Variants in FGF14 observed in about 807,000 individuals in gnomAD.
FGF14 encodes fibroblast growth factor homologous factor 4.
FGF14 carries 5 observed loss-of-function variants against 25.5 expected under a neutral mutation model. That is an observed-to-expected ratio of 0.20 (90% CI 0.10 to 0.41). The LOEUF is 0.41. FGF14 is among the 10% of genes least tolerant of loss of function. The pLI is 1.00. For synonymous variants in FGF14, 138 were observed against 118.3 expected (o/e 1.17, Z -1.08); for missense variants, 222 against 320.1 (o/e 0.69, Z 2.34).
At chr13:101,807,011 C>T (rs1371598813) in intron 3 of FGF14, among the ~76,000 whole-genome samples, 4 of 151,878 alleles carry the variant, frequency 2.6e-5, no homozygotes, top group Non-Finnish European at 2.9e-5. Flanking sequence ...TAACATAGCA[C>T]ACTAAATTTA....
intron 3 of FGF14, among the ~76,000 whole-genome samples, chr13:101,812,632 TATATATATATATATATATA>T (rs1416842099): frequency 3.1e-4 from 4 of 12,854 alleles, no homozygotes; most frequent in African/African-American, 9.9e-4. Context: ...TATATATATA[TATATATATATATATATATA>T]TATTTTTTTT....
At chr13:102,074,396 C>A (rs998308956) in intron 1 of FGF14, among the ~76,000 whole-genome samples, 3 of 152,142 alleles carry the variant, frequency 2.0e-5, no homozygotes, top group Non-Finnish European at 2.9e-5. Flanking sequence ...CCCTACCTGG[C>A]GAGCATTCTT....
At chr13:102,144,154 T>C (rs2046757808) in intron 1 of FGF14, among the ~76,000 whole-genome samples, 1 of 152,128 alleles carries the variant, frequency 6.6e-6, no homozygotes, top group East Asian at 1.9e-4. Context: ...TAGCTGGAAA[T>C]ACAAGTGCAC....
At chr13:102,358,524 A>T (rs1157458999) in intron 1 of FGF14, among the ~76,000 whole-genome samples, 1 of 152,144 alleles carries the variant, frequency 6.6e-6, no homozygotes, top group East Asian at 1.9e-4. Context: ...GGCCCAGTTC[A>T]CTTTATGATT....
chr13:102,282,303 T>G (rs1448146394), intron 1 of FGF14, among the ~76,000 whole-genome samples: 1 of 152,212 alleles, frequency 6.6e-6, no homozygotes, highest in East Asian at 1.9e-4. Context: ...CAACCTCAGG[T>G]GATCCGCCCA....
At chr13:102,121,933 C>T (rs1457611014) in intron 1 of FGF14, among the ~76,000 whole-genome samples, 1 of 152,136 alleles carries the variant, frequency 6.6e-6, no homozygotes, top group Non-Finnish European at 1.5e-5. Flanking sequence ...CGGCTTTCTG[C>T]TGAAGAAACC....
chr13:102,096,425 T>C (rs568479828), intron 1 of FGF14, among the ~76,000 whole-genome samples: 40 of 122,176 alleles, frequency 3.3e-4, no homozygotes, highest in Admixed American at 1.8e-3. Context: ...ACTTTACTCT[T>C]TAATTAAAAA....
intron 3 of FGF14, among the ~76,000 whole-genome samples, chr13:101,821,101 A>C (rs1165414843): frequency 6.6e-6 from 1 of 150,398 alleles, no homozygotes; most frequent in African/African-American, 2.4e-5. Flanking sequence ...GGCGCCCGCT[A>C]CCACGCCGGG....
chr13:101,840,581 G>C (rs2140315650), intron 3 of FGF14, among the ~76,000 whole-genome samples: 1 of 151,958 alleles, frequency 6.6e-6, no homozygotes, highest in Non-Finnish European at 1.5e-5. Flanking sequence ...CAGAAGAATG[G>C]TATTGAAATA....
chr13:101,758,053 TG>T (rs2037774626), intron 3 of FGF14, among the ~76,000 whole-genome samples: 1 of 152,222 alleles, frequency 6.6e-6, no homozygotes, highest in Non-Finnish European at 1.5e-5. Flanking sequence ...AGGCAACCTG[TG>T]GATTCTCTTG....
chr13:102,005,276 T>C (rs2039721126), intron 1 of FGF14, among the ~76,000 whole-genome samples: 1 of 152,218 alleles, frequency 6.6e-6, no homozygotes, highest in Admixed American at 6.5e-5. Flanking sequence ...GGATATATAA[T>C]CAAATGCAAA....
In FGF14 at chr13:101,820,783, CACACACACACACACACACACACA is replaced by C. The variant is rs1748514594; in HGVS notation, c.408+47919_408+47941del. Among the ~76,000 whole-genome samples the C allele has an allele frequency of 8.8e-5, 2 of 22,806 alleles. 1 individual carries two copies. Among genetic ancestry groups the C allele is most frequent in the South Asian group, 3.7e-3 (2 of 542 alleles). 15.0% of individuals were successfully genotyped at this position (22,806 alleles called of 152,430 possible). On this transcript the variant is annotated intron_variant, in intron 3 of 4. Transcript: ENST00000376143. ...GTACACACACACACCACACACCACACACACACACACACACACACACACAACACACACACACACACCACACACAC... is the reference window on the plus strand; with the variant it reads ...GTACACACACACACCACACACCACACACACACACACACACACCACACACAC...
intron 1 of FGF14, among the ~76,000 whole-genome samples, chr13:102,111,930 C>A (rs944835946): frequency 4.6e-5 from 7 of 152,040 alleles, no homozygotes; most frequent in African/African-American, 1.7e-4. Flanking sequence ...AGAAATAGTT[C>A]CTATACTTTT....
At chr13:101,740,824 TC>T (rs1187584572) in intron 3 of FGF14, among the ~76,000 whole-genome samples, 9 of 152,352 alleles carry the variant, frequency 5.9e-5, no homozygotes, top group African/African-American at 1.7e-4. Flanking sequence ...GGTGGGTATG[TC>T]TTTTTTTCAG....
intron 1 of FGF14, among the ~76,000 whole-genome samples, chr13:101,884,916 C>T (rs528186486): frequency 7.9e-5 from 12 of 151,996 alleles, no homozygotes; most frequent in African/African-American, 2.7e-4. Flanking sequence ...GCAAACGCTG[C>T]CCCTTTCTTC....
intron 1 of FGF14, among the ~76,000 whole-genome samples, chr13:102,214,192 C>T (rs187159507): frequency 1.3e-5 from 2 of 152,344 alleles, no homozygotes; most frequent in East Asian, 3.9e-4. Context: ...ATTGGTCCAT[C>T]GCTGTTGCTC....
rs2034952740 is a variant in FGF14 at position 101,721,180 on chromosome 13, AATTTT to A, written c.*1646_*1650del. On this transcript the variant is annotated 3_prime_UTR_variant, in exon 5 of 5. Transcript: ENST00000376143. The stretch of plus-strand genomic sequence containing the variant: ...GAACTCTTCTGAGAAGAAAACATTG[AATTTT>A]ATTAGGTGTACACAGAGTTAACAAA... 1 of 152,110 alleles carries A rather than the reference AATTTT, an allele frequency of 6.6e-6. No homozygotes were observed. Among genetic ancestry groups the A allele is most frequent in the Non-Finnish European group, 1.5e-5 (1 of 68,018 alleles). 9.4% of individuals were successfully genotyped at this position (152,110 alleles called of 1,614,324 possible).
At chr13:101,920,067 C>G (rs954660344), upstream of FGF14, among the ~76,000 whole-genome samples, 1 of 152,142 alleles carries the variant, frequency 6.6e-6, no homozygotes, top group African/African-American at 2.4e-5. Flanking sequence ...CTCCCCAAAA[C>G]GCTGTTTAGT....
intron 1 of FGF14, among the ~76,000 whole-genome samples, chr13:101,904,148 C>A (rs1407785): frequency 1.3e-5 from 2 of 151,982 alleles, no homozygotes; most frequent in African/African-American, 2.4e-5. Context: ...GAGGTCTCTG[C>A]GTGTTAACAG....
Sources: allele counts gnomAD v4.1 joint callset (sites outside exome capture counted in the v4.1 genomes callset), GRCh38; gene constraint gnomAD v4.1.1; transcripts MANE v1.5; gene names NCBI Gene and HGNC (gene_info 2026-07-23, HGNC 2026-07-21).